Variants in MCM2 observed in about 807,000 individuals in gnomAD.
The protein encoded by MCM2 is DNA replication licensing factor MCM2.
A neutral mutation model predicts 86.4 loss-of-function variants in MCM2; 49 were observed. That is an observed-to-expected ratio of 0.57 (90% CI 0.45 to 0.72). MCM2 has a LOEUF of 0.72. MCM2 is among the 30% of genes least tolerant of loss of function. MCM2 has a pLI of 0.00. For missense variants in MCM2, 1,038 were observed against 1,259.9 expected (o/e 0.82, Z 2.67); for synonymous variants, 475 against 484.6 (o/e 0.98, Z 0.26).
Position 127,606,480 on chromosome 3 carries a change from A to T in MCM2, c.894-130A>T. The T allele has an allele frequency of 8.6e-7, 1 of 1,166,342 alleles. No individual in the cohort carries two copies. Among genetic ancestry groups the T allele is most frequent in the Non-Finnish European group, 1.2e-6 (1 of 810,136 alleles). 72.2% of individuals were successfully genotyped at this position (1,166,342 alleles called of 1,614,324 possible). Reference sequence around the variant, plus strand: ...CGCAGGTGAGTTGTGGTTGCACAGGAGTGTGATGGGAGGGATCTTCCCGGG... The same window carrying T: ...CGCAGGTGAGTTGTGGTTGCACAGGTGTGTGATGGGAGGGATCTTCCCGGG... On this transcript the variant is annotated intron_variant, in intron 5 of 15. Coordinates refer to ENST00000265056, the MANE Select transcript of MCM2 (RefSeq NM_004526.4). This position sits in a 1 kb window ranked among gnomAD's most constrained non-coding sequence, Gnocchi z 4.2.
chr3:127,604,352 A>G (rs1045400691), intron 2 of MCM2: 20 of 464,172 alleles, frequency 4.3e-5, no homozygotes, highest in African/African-American at 3.7e-4. Context: ...CATGTCCTCA[A>G]GGTTCATCCA....
chr3:127,603,215 G>A (rs999781588), intron 2 of MCM2, among the ~76,000 whole-genome samples: 130 of 152,198 alleles, frequency 8.5e-4, no homozygotes, highest in African/African-American at 3.0e-3. Flanking sequence ...TAGCCAGGAT[G>A]GTCTCGATCT....
At chr3:127,613,412 C>T (rs2074413265) in intron 8 of MCM2, among the ~76,000 whole-genome samples, 1 of 152,156 alleles carries the variant, frequency 6.6e-6, no homozygotes, top group Admixed American at 6.5e-5. Flanking sequence ...TTACTGAGGA[C>T]TTAGTATCTG....
Position 127,604,929 on chromosome 3 carries a change from G to C in MCM2, c.446G>C (p.Arg149Pro). 1 of 1,613,284 alleles carries C rather than the reference G, an allele frequency of 6.2e-7. No individual in the cohort carries two copies. ...SDEEDEERPA[R>P]KRRQVERATE... Reference sequence around the variant, plus strand: ...GAGGAGGACGAGGAGCGCCCTGCCCGCAAGCGCCGCCAGGTGGAGCGGGCC... The same window carrying C: ...GAGGAGGACGAGGAGCGCCCTGCCCCCAAGCGCCGCCAGGTGGAGCGGGCC... Residue 149 changes from arginine to proline, a missense_variant, in exon 4 of 16, where the codon CGC (arginine) becomes CCC (proline). This residue lies in a region of MCM2 where 300 missense variants were observed against 307.4 expected (regional missense o/e 0.98). Transcript: ENST00000265056.
At chr3:127,610,705 G>A (rs1007608983) in intron 8 of MCM2, 2 of 444,080 alleles carry the variant, frequency 4.5e-6, no homozygotes, top group Non-Finnish European at 9.1e-6. Context: ...AGAAGCTGCT[G>A]CAGGCTAGAC....
At chr3:127,616,568 A>G (rs980357892) in intron 9 of MCM2, among the ~76,000 whole-genome samples, 3 of 152,214 alleles carry the variant, frequency 2.0e-5, no homozygotes, top group Non-Finnish European at 4.4e-5. Context: ...CTTTTAAATG[A>G]CTATCATGCC....
chr3:127,615,908 A>G lies in MCM2; in HGVS notation c.1475A>G (p.Lys492Arg), dbSNP rs1409831807. ...TCCATCTATGGTCATGAAGACATCA[A>G]GAGAGGCCTGGCTCTGGCCCTGTTC... ...APSIYGHEDI[K>R]RGLALALFGG... Residue 492 changes from lysine to arginine, a missense_variant, in exon 9 of 16, where the codon AAG becomes AGG. Lys to Arg is a conservative substitution (Grantham distance 26). Around this residue, in one of 4 missense-constraint regions of MCM2, gnomAD observed 399 missense variants for 507.2 expected, o/e 0.79. Transcript: ENST00000265056. 3 of 1,614,076 alleles carry G rather than the reference A, an allele frequency of 1.9e-6. No homozygotes were observed. The highest frequency in any genetic ancestry group is 2.7e-5 in the African/African-American group (2 of 74,938).
chr3:127,617,896 A>G lies in MCM2; in HGVS notation c.1901-73A>G. The G allele has an allele frequency of 8.7e-7, 1 of 1,153,260 alleles. No homozygotes were observed. The highest frequency in any genetic ancestry group is 1.3e-6 in the Non-Finnish European group (1 of 784,006). 71.4% of individuals were successfully genotyped at this position (1,153,260 alleles called of 1,614,324 possible). A position where few individuals can be genotyped will look rare whatever the true frequency, so the allele number is the denominator to read the frequency against. ...ACTGCCCTCATCCCCTTCTGCCATC[A>G]GAGCAGCCTGGGGTCCCTGAGATGG... On this transcript the variant is annotated intron_variant, in intron 11 of 15. Transcript: ENST00000265056. This position sits in a 1 kb window ranked among gnomAD's most constrained non-coding sequence, Gnocchi z 4.1.
In MCM2 at chr3:127,621,196, A is replaced by G. The variant is rs552727863; in HGVS notation, c.2572A>G (p.Ile858Val). ...RNRFGAQQDT[I>V]EVPEKDLVDK... The stretch of plus-strand genomic sequence containing the variant: ...CCGCTTTGGGGCCCAGCAGGACACT[A>G]TTGAGGTCCCTGAGAAGGACTTGGT... Residue 858 changes from isoleucine (I) to valine (V), a missense_variant, in exon 15 of 16, where the codon ATT (isoleucine) becomes GTT (valine). By Grantham distance (29) the Ile-to-Val change is conservative (BLOSUM62 3). Transcript: ENST00000265056. 1.2e-5 allele frequency: 19 copies of G among 1,614,116 alleles called. No individual in the cohort carries two copies. In the South Asian group the frequency reaches 2.0e-4, roughly 17 times the overall value.
In MCM2 at chr3:127,619,212, G is replaced by C. The variant is rs144817363; in HGVS notation, c.2199G>C (p.Pro733=). The C allele has an allele frequency of 6.2e-7, 1 of 1,614,034 alleles. No homozygotes were observed. Among genetic ancestry groups the C allele is most frequent in the Non-Finnish European group, 8.5e-7 (1 of 1,180,038 alleles). The change falls in exon 13 of 16, where the codon CCG becomes CCC. Residue 733 remains proline (P), a synonymous_variant. Transcript: ENST00000265056. ...TCTACGCCAAGGAGAGGGTCCACCC[G>C]AAGCTCAACCAGATGGACCAGGACA... The part of the protein sequence containing the change: ...YIIYAKERVH[P]KLNQMDQDKV...
intron 1 of MCM2, 128 bp from the exon 2 acceptor site, chr3:127,599,190 G>T: frequency 6.5e-6 from 5 of 769,722 alleles, no homozygotes; most frequent in Non-Finnish European, 1.1e-5. Flanking sequence ...GCTGGAAGGG[G>T]TTTGGTGTGT....
At chr3:127,604,378 C>G in intron 2 of MCM2, 1 of 504,404 alleles carries the variant, frequency 2.0e-6, no homozygotes, top group East Asian at 3.0e-5. Context: ...CAGCACGTGG[C>G]AGAATTTCCT....
intron 6 of MCM2, among the ~76,000 whole-genome samples, chr3:127,608,032 G>A (rs1040978458): frequency 1.3e-5 from 2 of 152,226 alleles, no homozygotes; most frequent in African/African-American, 4.8e-5. Flanking sequence ...TTCTTATTGT[G>A]AGGTTGCAGA....
At position 127,604,606 on chromosome 3, in the gene MCM2, A is replaced by G; in HGVS notation, c.237-2A>G. On this transcript the variant is annotated splice_acceptor_variant, in intron 2 of 15. Transcript: ENST00000265056. LOFTEE classifies it high-confidence loss of function. The stretch of plus-strand genomic sequence containing the variant: ...ACCACATCTGTTTTGGTGCTCCCTC[A>G]GGGACTACCGCGCCATCCCAGAGCT... The G allele has an allele frequency of 1.2e-6, 2 of 1,612,040 alleles. No individual in the cohort carries two copies. The highest frequency in any genetic ancestry group is 1.7e-6 in the Non-Finnish European group (2 of 1,179,206).
At chr3:127,602,326 G>T (rs929685434) in intron 2 of MCM2, among the ~76,000 whole-genome samples, 2 of 151,986 alleles carry the variant, frequency 1.3e-5, no homozygotes, top group African/African-American at 4.8e-5. Flanking sequence ...TCTGCTTGGG[G>T]CATCAACAGC....
At chr3:127,607,001 C>G (rs1177760112) in intron 6 of MCM2, among the ~76,000 whole-genome samples, 184 bp downstream of exon 6, 1 of 152,256 alleles carries the variant, frequency 6.6e-6, no homozygotes, top group Non-Finnish European at 1.5e-5. Context: ...GCTTGGCCCA[C>G]ACGACGTTTT....
At chr3:127,601,953 T>C (rs2074309088) in intron 2 of MCM2, among the ~76,000 whole-genome samples, 2 of 152,200 alleles carry the variant, frequency 1.3e-5, no homozygotes. Context: ...CTGTGTATCT[T>C]CAGAGAAATC....
chr3:127,610,994 G>A (rs1001113798), intron 8 of MCM2: 2 of 456,326 alleles, frequency 4.4e-6, no homozygotes, highest in African/African-American at 2.0e-5. Flanking sequence ...TGGTGAGTAA[G>A]TCAGACATGA....
chr3:127,619,268 A>G lies in MCM2; in HGVS notation c.2255A>G (p.Lys752Arg), dbSNP rs2074458110. 1.2e-6 allele frequency: 2 copies of G among 1,613,492 alleles called. No homozygotes were observed. The highest frequency in any genetic ancestry group is 1.1e-5 in the South Asian group (1 of 91,076). ...GCCAAGATGTACAGTGACCTGAGGA[A>G]AGAATCTATGGTGAGAGCCCAGGCA... is the stretch of plus-strand genomic sequence containing the variant. Reference protein sequence around the residue: ...KVAKMYSDLRKESMATGSIPI... With the variant: ...KVAKMYSDLRRESMATGSIPI... The change falls in exon 13 of 16, where the codon AAA becomes AGA. Residue 752 changes from lysine (K) to arginine (R), a missense_variant. Transcript: ENST00000265056.
Sources: gnomAD v4.1 joint callset for allele counts (sites outside exome capture counted in the v4.1 genomes callset) on GRCh38, gnomAD v4.1.1 for gene constraint, gnomAD v4.1.1 regional missense constraint, Gnocchi (gnomAD v3.1) non-coding constraint, MANE v1.5 for transcripts, NCBI Gene and HGNC (gene_info 2026-07-23, HGNC 2026-07-21) for gene names.